DPP10: variants seen among roughly 807,000 people sequenced by gnomAD.
The protein encoded by DPP10 is inactive dipeptidyl peptidase 10.
In DPP10, 33 loss-of-function variants were observed where a neutral mutation model predicts 120.9. The observed-to-expected ratio is 0.27, with a 90% confidence interval of 0.21 to 0.37. The LOEUF (loss-of-function observed/expected upper bound fraction) is 0.37. DPP10 is among the 10% of genes least tolerant of loss of function. The pLI is 1.00. For synonymous variants in DPP10, 337 were observed against 326.1 expected (o/e 1.03, Z -0.36); for missense variants, 816 against 942.8 (o/e 0.87, Z 1.76).
intron 3 of DPP10, among the ~76,000 whole-genome samples, chr2:115,480,096 C>T (rs1275478494): frequency 1.3e-5 from 2 of 152,000 alleles, no homozygotes; most frequent in Non-Finnish European, 2.9e-5. Flanking sequence ...TCAAGCAGCA[C>T]CATCCCCTGG....
intron 1 of DPP10, among the ~76,000 whole-genome samples, chr2:114,980,953 TTTAAA>T (rs997318991): frequency 9.2e-5 from 14 of 151,918 alleles, no homozygotes; most frequent in African/African-American, 3.4e-4. Flanking sequence ...AAGAAAAAAA[TTTAAA>T]TTAAATGCAG....
chr2:114,945,264 G>A (rs1248202705), intron 1 of DPP10, among the ~76,000 whole-genome samples: 1 of 152,176 alleles, frequency 6.6e-6, no homozygotes, highest in Non-Finnish European at 1.5e-5. Flanking sequence ...AAAAGCTTCT[G>A]CTCTCTGGAA....
At chr2:114,864,932 G>C (rs567459550) in intron 1 of DPP10, among the ~76,000 whole-genome samples, 17 of 152,216 alleles carry the variant, frequency 1.1e-4, no homozygotes, top group African/African-American at 2.9e-4. Flanking sequence ...TAACGTAAAA[G>C]ATCTCTTTAT....
intron 1 of DPP10, among the ~76,000 whole-genome samples, chr2:114,717,008 A>G (rs930805034): frequency 1.3e-5 from 2 of 152,238 alleles, no homozygotes; most frequent in African/African-American, 4.8e-5. Flanking sequence ...AAGACTCGTT[A>G]CAGAGCCAGT....
rs755881191 is a variant in DPP10, at chr2:115,739,750, C to A, written c.709C>A (p.His237Asn). 4.3e-6 allele frequency: 7 copies of A among 1,613,280 alleles called. No individual in the cohort carries two copies. The South Asian group carries it at 7.7e-5, about 18-fold the overall frequency. Residue 237 changes from histidine to asparagine, a missense_variant, in exon 9 of 26, where the codon CAT (histidine) becomes AAT (asparagine). By Grantham distance (68) the His-to-Asn change is moderately conservative (BLOSUM62 1). This residue lies in a region of DPP10 where 42 missense variants were observed against 86.4 expected (regional missense o/e 0.49). Transcript: ENST00000410059. ...CTCATTTATTCTAGAGGAACTCCTG[C>A]ATTCTCACATCGCCCACTGGTGGTC... ...ADWLYEEELL[H>N]SHIAHWWSPD...
At chr2:114,548,964 G>C (rs1032096035) in intron 1 of DPP10, among the ~76,000 whole-genome samples, 4 of 152,136 alleles carry the variant, frequency 2.6e-5, no homozygotes, top group Non-Finnish European at 4.4e-5. Flanking sequence ...AAAAAGGATG[G>C]GGCTGCCTCT....
intron 1 of DPP10, among the ~76,000 whole-genome samples, chr2:115,171,532 T>C (rs2053337172): frequency 6.6e-6 from 1 of 151,968 alleles, no homozygotes; most frequent in Non-Finnish European, 1.5e-5. Context: ...TGTATTCAAA[T>C]CAGGAAACAG....
chr2:115,792,688 C>A (rs1020010920), intron 19 of DPP10, among the ~76,000 whole-genome samples: 1 of 151,806 alleles, frequency 6.6e-6, no homozygotes, highest in South Asian at 2.1e-4. Flanking sequence ...GTATGATTTA[C>A]TGAGGAAAAA....
At chr2:115,310,478 A>G (rs1261749102) in intron 2 of DPP10, among the ~76,000 whole-genome samples, 2 of 152,150 alleles carry the variant, frequency 1.3e-5, no homozygotes, top group Admixed American at 6.6e-5. Context: ...TAAACTGCCA[A>G]AAATGCAGTT....
intron 5 of DPP10, among the ~76,000 whole-genome samples, chr2:115,677,067 C>A (rs572447195): frequency 1.3e-5 from 2 of 152,120 alleles, no homozygotes; most frequent in African/African-American, 4.8e-5. Flanking sequence ...TACCTTCCAG[C>A]CAGAAATATA....
rs764331013 is a variant in DPP10, at chr2:115,836,460, A to G, written c.2051-47A>G. ...AAGAAATTAATGAAATATGCCAGTC[A>G]AATAGTTTTTAGTTTCTTCTCGAAT... On this transcript the variant is annotated intron_variant, in intron 22 of 25. Coordinates refer to ENST00000410059, the MANE Select transcript of DPP10 (RefSeq NM_020868.6). 5 of 1,583,118 alleles carry G rather than the reference A, an allele frequency of 3.2e-6. No individual in the cohort carries two copies. The South Asian group carries it at 5.8e-5, about 18-fold the overall frequency.
At chr2:114,904,726 AC>A (rs1379274753) in intron 1 of DPP10, among the ~76,000 whole-genome samples, 1 of 152,206 alleles carries the variant, frequency 6.6e-6, no homozygotes, top group Non-Finnish European at 1.5e-5. Context: ...AGGCCATCAG[AC>A]TCATTAAATT....
intron 1 of DPP10, among the ~76,000 whole-genome samples, chr2:115,006,103 T>C (rs370993362): frequency 1.1e-4 from 16 of 152,168 alleles, no homozygotes; most frequent in African/African-American, 3.9e-4. Context: ...CAGAATTTCA[T>C]ATCCAGGCAA....
chr2:114,871,404 A>G (rs1004206473), intron 1 of DPP10, among the ~76,000 whole-genome samples: 1 of 152,230 alleles, frequency 6.6e-6, no homozygotes, highest in Non-Finnish European at 1.5e-5. Context: ...TTGGTGCACA[A>G]GTAATTGCAG....
intron 1 of DPP10, among the ~76,000 whole-genome samples, chr2:114,586,711 G>C (rs1691009003): frequency 6.6e-6 from 1 of 152,174 alleles, no homozygotes; most frequent in African/African-American, 2.4e-5. Flanking sequence ...AGAGGTGTTT[G>C]GGTCATGGGA....
At chr2:114,481,887 A>G (rs1573455240) in intron 1 of DPP10, among the ~76,000 whole-genome samples, 1 of 151,132 alleles carries the variant, frequency 6.6e-6, no homozygotes, top group East Asian at 1.9e-4. Flanking sequence ...GAGAGAGAGA[A>G]GAAGGAGAAG....
At chr2:115,223,582 T>C (rs2057288256) in intron 1 of DPP10, among the ~76,000 whole-genome samples, 1 of 152,242 alleles carries the variant, frequency 6.6e-6, no homozygotes, top group East Asian at 1.9e-4. Flanking sequence ...GTGTAAGATA[T>C]GTTCAGCTGA....
chr2:115,775,921 A>G (rs1335678210), intron 13 of DPP10, among the ~76,000 whole-genome samples: 1 of 152,196 alleles, frequency 6.6e-6, no homozygotes, highest in East Asian at 1.9e-4. Flanking sequence ...ATAGATGCAG[A>G]CATAGGATCC....
At chr2:115,622,407 A>G (rs867956768) in intron 5 of DPP10, among the ~76,000 whole-genome samples, 21 of 151,184 alleles carry the variant, frequency 1.4e-4, no homozygotes, top group African/African-American at 4.9e-4. Flanking sequence ...GATATACTAC[A>G]TTTTATTTAG....
Sources: allele counts gnomAD v4.1 joint callset (sites outside exome capture counted in the v4.1 genomes callset), GRCh38; gene constraint gnomAD v4.1.1; regional missense constraint gnomAD v4.1.1; transcripts MANE v1.5; gene names NCBI Gene and HGNC (gene_info 2026-07-23, HGNC 2026-07-21).